Variants in ZNF556 observed in about 807,000 individuals in gnomAD.
The protein encoded by ZNF556 is zinc finger protein 556.
A neutral mutation model predicts 13.6 loss-of-function variants in ZNF556; 11 were observed. That is an observed-to-expected ratio of 0.81 (90% CI 0.51 to 1.33). ZNF556 has a LOEUF of 1.33. ZNF556 is among the 40% of genes most tolerant of loss of function. The pLI is 0.00. For missense variants in ZNF556, 633 were observed against 566.2 expected, an observed-to-expected ratio of 1.12 and a Z score of -1.20; for synonymous variants, 229 against 207.8, an observed-to-expected ratio of 1.10 and a Z score of -0.88.
rs530663637 is a variant in ZNF556, at chr19:2,868,343, G to A, written c.3+919G>A. Among the ~76,000 whole-genome samples the A allele has an allele frequency of 4.6e-5, 7 of 152,306 alleles. No homozygotes were observed. In the South Asian group the frequency reaches 6.2e-4, roughly 14 times the overall value. ...ATAATTTGGTGAATTACAAAAACTC[G>A]CTAAAATATCAGTTATTCTCCTTTT... On this transcript the variant is annotated intron_variant, in intron 1 of 3. Transcript: ENST00000307635.
In ZNF556 at chr19:2,876,133, G is replaced by A. The variant is rs766017290; in HGVS notation, c.171G>A (p.Gln57=). 7 of 1,612,516 alleles carry A rather than the reference G, an allele frequency of 4.3e-6. No individual in the cohort carries two copies. The East Asian group carries it at 1.6e-4, about 36-fold the overall frequency. Residue 57 remains glutamine, a synonymous_variant, in exon 3 of 4, where the codon CAG becomes CAA. Transcript: ENST00000307635. The stretch of plus-strand genomic sequence containing the variant: ...TTAAAGCCAGTGGGTCTATTTCTCA[G>A]CAGGATACTTCTGGAGAAAAATTAT... The part of the protein sequence containing the change: ...AQLKASGSIS[Q]QDTSGEKLSL...
chr19:2,869,001 G>A (rs987807780), intron 1 of ZNF556, among the ~76,000 whole-genome samples: 6 of 152,156 alleles, frequency 3.9e-5, no homozygotes, highest in Non-Finnish European at 8.8e-5. Context: ...TTACAGGCGT[G>A]AGCCACCACA....
intron 1 of ZNF556, among the ~76,000 whole-genome samples, chr19:2,867,815 T>A (rs1772604490): frequency 1.3e-5 from 2 of 150,244 alleles, no homozygotes; most frequent in Non-Finnish European, 3.0e-5. Context: ...CAGGCCCACG[T>A]CCCTGGGAGG....
intron 1 of ZNF556, among the ~76,000 whole-genome samples, chr19:2,872,135 AGG>A (rs1269672623): frequency 6.6e-6 from 1 of 152,156 alleles, no homozygotes; most frequent in Admixed American, 6.5e-5. Context: ...ACAGTATCAC[AGG>A]GAGGCGGTTA....
intron 1 of ZNF556, among the ~76,000 whole-genome samples, chr19:2,870,767 C>T (rs926573600): frequency 1.5e-5 from 2 of 136,064 alleles, no homozygotes; most frequent in African/African-American, 5.5e-5. Context: ...AGGCCGGGCG[C>T]GATGGCTCAC....
intron 1 of ZNF556, among the ~76,000 whole-genome samples, chr19:2,872,818 CAAAAA>C (rs770269518): frequency 2.7e-5 from 2 of 75,058 alleles, no homozygotes; most frequent in African/African-American, 4.0e-5. Flanking sequence ...GACTCCATCT[CAAAAA>C]AAAAAAAAAA....
Position 2,877,848 on chromosome 19 carries a change from G to A in ZNF556, c.890G>A (p.Cys297Tyr). The A allele has an allele frequency of 1.2e-6, 2 of 1,614,204 alleles. No individual in the cohort carries two copies. Among genetic ancestry groups the A allele is most frequent in the Non-Finnish European group, 1.7e-6 (2 of 1,180,028 alleles). The change falls in exon 4 of 4, where the codon TGC (cysteine) becomes TAC (tyrosine). Residue 297 changes from cysteine (C) to tyrosine (Y), a missense_variant. By Grantham distance (194) the Cys-to-Tyr change is radical (BLOSUM62 -2). Coordinates refer to ENST00000307635, the MANE Select transcript of ZNF556 (RefSeq NM_024967.3). ...YECKQCGKAY[C>Y]WATSFQRHVR... ...TGCAAGCAGTGTGGGAAAGCCTACT[G>A]CTGGGCAACATCCTTTCAACGACAC...
rs1421973720 is a variant in ZNF556, at chr19:2,878,615, G to T, written c.*286G>T. ...GGCGTGAACCCGGGAGGCGGAGCTT[G>T]CAGTGAGCCGAGATGGCACCACTGC... is the stretch of plus-strand genomic sequence containing the variant. On this transcript the variant is annotated 3_prime_UTR_variant, in exon 4 of 4. Transcript: ENST00000307635. The T allele has an allele frequency of 1.5e-5, 4 of 272,750 alleles. No homozygotes were observed. The highest frequency in any genetic ancestry group is 2.8e-5 in the Non-Finnish European group (4 of 141,792). The allele number at this position is 272,750 out of a possible 1,614,324, so 16.9% of individuals were successfully genotyped here.
At chr19:2,868,670 G>A (rs1390557877) in intron 1 of ZNF556, among the ~76,000 whole-genome samples, 1 of 148,962 alleles carries the variant, frequency 6.7e-6, no homozygotes, top group Non-Finnish European at 1.5e-5. Context: ...ACCCGCCTTG[G>A]CCTCCCAGAA....
rs1483896521 is a variant in ZNF556, at chr19:2,881,340, G to A, written c.*3011G>A. ...GTAATCCCAGGACCCACCGAGGCGG[G>A]TGGATCACCTGATGTGAGGAGTTCG... is the stretch of plus-strand genomic sequence containing the variant. On this transcript the variant is annotated 3_prime_UTR_variant, in exon 4 of 4. Transcript: ENST00000307635. The A allele has an allele frequency of 2.6e-5, 4 of 152,124 alleles. No homozygotes were observed. The highest frequency in any genetic ancestry group is 6.6e-5 in the Admixed American group (1 of 15,248). The allele number at this position is 152,124 out of a possible 1,614,324, so 9.4% of individuals were successfully genotyped here.
In ZNF556 at chr19:2,867,392, C is replaced by T; in HGVS notation, c.-30C>T. On this transcript the variant is annotated 5_prime_UTR_variant, in exon 1 of 4. Transcript: ENST00000307635. ...TGCACCGGCTGCGAGGAGCAGGGAG[C>T]TCCTCAAAGAGCTCAGGAACGGACA... 6.3e-7 allele frequency: 1 copy of T among 1,578,898 alleles called. No individual in the cohort carries two copies. The highest frequency in any genetic ancestry group is 8.6e-7 in the Non-Finnish European group (1 of 1,163,286).
chr19:2,872,927 G>C (rs537239696), intron 1 of ZNF556, among the ~76,000 whole-genome samples: 1 of 152,034 alleles, frequency 6.6e-6, no homozygotes, highest in Non-Finnish European at 1.5e-5. Flanking sequence ...GAGGTCAGGA[G>C]TTCAAGTGCA....
chr19:2,878,589 C>T lies in ZNF556; in HGVS notation c.*260C>T, dbSNP rs978666793. ...TGCTCAGGAGGCTGAGGCAGGAGAA[C>T]GGCGTGAACCCGGGAGGCGGAGCTT... is the stretch of plus-strand genomic sequence containing the variant. On this transcript the variant is annotated 3_prime_UTR_variant, in exon 4 of 4. Coordinates refer to ENST00000307635, the MANE Select transcript of ZNF556 (RefSeq NM_024967.3). The T allele has an allele frequency of 1.2e-4, 37 of 309,088 alleles. No individual in the cohort carries two copies. Among genetic ancestry groups the T allele is most frequent in the African/African-American group, 3.3e-4 (15 of 45,472 alleles). 19.1% of individuals were successfully genotyped at this position (309,088 alleles called of 1,614,324 possible).
Position 2,867,354 on chromosome 19 carries a change from C to G in ZNF556, c.-68C>G. ...TGCCCTGAGTGACCACAGGTGTCCC[C>G]GTCGTGCTCACCTGCACCGGCTGCG... is the stretch of plus-strand genomic sequence containing the variant. On this transcript the variant is annotated 5_prime_UTR_variant, in exon 1 of 4. Coordinates refer to ENST00000307635, the MANE Select transcript of ZNF556 (RefSeq NM_024967.3). The G allele has an allele frequency of 6.4e-7, 1 of 1,557,068 alleles. No homozygotes were observed. Among genetic ancestry groups the G allele is most frequent in the South Asian group, 1.2e-5 (1 of 84,478 alleles).
chr19:2,870,501 C>A (rs1209638716), intron 1 of ZNF556, among the ~76,000 whole-genome samples: 4 of 151,722 alleles, frequency 2.6e-5, no homozygotes, highest in Non-Finnish European at 5.9e-5. Flanking sequence ...AATCCCAGCA[C>A]TTTGGGAGGC....
In ZNF556 at chr19:2,877,322, C is replaced by A; in HGVS notation, c.364C>A (p.Arg122Ser). 2 of 1,613,976 alleles carry A rather than the reference C, an allele frequency of 1.2e-6. No homozygotes were observed. The highest frequency in any genetic ancestry group is 1.1e-5 in the South Asian group (1 of 91,072). ...RPCKSSKGNKRGRTFRKTRNC... is the reference protein window; with the variant it reads ...RPCKSSKGNKSGRTFRKTRNC... ...ATGTAAAAGCAGTAAAGGTAATAAA[C>A]GTGGAAGAACCTTCAGAAAGACTCG... The change falls in exon 4 of 4, where the codon CGT (arginine) becomes AGT (serine). Residue 122 changes from arginine to serine, a missense_variant. Transcript: ENST00000307635.
rs898254816 is a variant in ZNF556 at position 2,883,049 on chromosome 19, C to T, written c.*4720C>T. On this transcript the variant is annotated 3_prime_UTR_variant, in exon 4 of 4. Coordinates refer to ENST00000307635, the MANE Select transcript of ZNF556 (RefSeq NM_024967.3). ...TGTGTTCTGCAGAAAACTAGAGTTC[C>T]TCACAGGGTGAGGAAGAGTTATGGT... is the stretch of plus-strand genomic sequence containing the variant. 11 of 152,144 alleles carry T rather than the reference C, an allele frequency of 7.2e-5. No homozygotes were observed. The highest frequency in any genetic ancestry group is 2.7e-4 in the African/African-American group (11 of 41,436). 9.4% of individuals were successfully genotyped at this position (152,144 alleles called of 1,614,324 possible).
intron 1 of ZNF556, among the ~76,000 whole-genome samples, chr19:2,868,556 A>G (rs1232098613): frequency 6.7e-6 from 1 of 150,016 alleles, no homozygotes; most frequent in African/African-American, 2.5e-5. Context: ...AGCTGGGACT[A>G]CAGGTGTGTG....
intron 1 of ZNF556, among the ~76,000 whole-genome samples, chr19:2,872,200 G>C (rs1033217426): frequency 1.3e-5 from 2 of 151,916 alleles, no homozygotes; most frequent in Admixed American, 1.3e-4. Flanking sequence ...CTCCACAAGA[G>C]GTGGAGGAGT....
Sources: gnomAD v4.1 joint callset for allele counts (sites outside exome capture counted in the v4.1 genomes callset) on GRCh38, gnomAD v4.1.1 for gene constraint, MANE v1.5 for transcripts, NCBI Gene and HGNC (gene_info 2026-07-23, HGNC 2026-07-21) for gene names.